CDH2: variants seen among roughly 807,000 people sequenced by gnomAD.
CDH2 encodes cadherin 2.
A neutral mutation model predicts 92.0 loss-of-function variants in CDH2; 17 were observed. The observed-to-expected ratio is 0.18, with a 90% confidence interval of 0.13 to 0.28. CDH2 has a LOEUF of 0.28. CDH2 is among the 10% of genes least tolerant of loss of function. The pLI is 1.00. For synonymous variants in CDH2, 419 were observed against 415.9 expected (o/e 1.01, Z -0.09); for missense variants, 862 against 1,133.1 (o/e 0.76, Z 3.44).
At chr18:28,002,794 G>A (rs566872975) in intron 7 of CDH2, among the ~76,000 whole-genome samples, 94 of 152,232 alleles carry the variant, frequency 6.2e-4, no homozygotes, top group African/African-American at 2.2e-3. Flanking sequence ...ACATAGGCTA[G>A]CATTGATTTA....
Position 27,990,197 on chromosome 18 carries a change from T to TG in CDH2, c.1497dup (p.Asn500GlnfsTer3). ...TCTTCTTGGCGAATGATCTTAGGATTGGGGGCAAAATAAGGGTTTTCATTT... is the reference window on the plus strand; with the variant it reads ...TCTTCTTGGCGAATGATCTTAGGATTGGGGGGCAAAATAAGGGTTTTCATTT... On this transcript the variant is annotated frameshift_variant, in exon 10 of 16. Coordinates refer to ENST00000269141, the MANE Select transcript of CDH2 (RefSeq NM_001792.5). LOFTEE classifies it high-confidence loss of function. 1 of 1,614,132 alleles carries TG rather than the reference T, an allele frequency of 6.2e-7. No homozygotes were observed. The highest frequency in any genetic ancestry group is 8.5e-7 in the Non-Finnish European group (1 of 1,180,000).
intron 2 of CDH2, among the ~76,000 whole-genome samples, chr18:28,029,305 T>C (rs376201156): frequency 1.5e-4 from 23 of 152,228 alleles, no homozygotes; most frequent in African/African-American, 5.5e-4. Context: ...AATTTAAAGG[T>C]TACTTAATTT....
intron 14 of CDH2, 100 bp from the exon 15 acceptor site, chr18:27,963,621 G>A: frequency 9.8e-7 from 1 of 1,020,884 alleles, no homozygotes; most frequent in Non-Finnish European, 1.4e-6. Flanking sequence ...ATAGAAATGA[G>A]GAAAATTTAA....
downstream of CDH2, among the ~76,000 whole-genome samples, chr18:27,947,661 ATATGTGATATAAG>A (rs1909303127): frequency 6.8e-6 from 1 of 147,358 alleles, no homozygotes; most frequent in African/African-American, 2.7e-5. Context: ...TGATATAAGT[ATATGTGATATAAG>A]TATATGTGAT....
intron 3 of CDH2, among the ~76,000 whole-genome samples, 168 bp from the exon 4 acceptor site, chr18:28,012,160 C>A (rs1381628639): frequency 1.3e-5 from 2 of 152,006 alleles, no homozygotes; most frequent in Non-Finnish European, 2.9e-5. Context: ...AGAAAAATAC[C>A]ATAAAATTTT....
At chr18:28,157,594 A>C (rs1158443110) in intron 1 of CDH2, among the ~76,000 whole-genome samples, 1 of 152,196 alleles carries the variant, frequency 6.6e-6, no homozygotes, top group African/African-American at 2.4e-5. Context: ...AACTTCCATT[A>C]GGAAGCATTC....
intron 2 of CDH2, among the ~76,000 whole-genome samples, chr18:28,024,918 C>T (rs1390420140): frequency 6.6e-6 from 1 of 151,860 alleles, no homozygotes; most frequent in African/African-American, 2.4e-5. Context: ...ACAGAATAAG[C>T]AATTAAGAAA....
chr18:27,944,344 G>C (rs1458289241), intron 6 of CDH2, among the ~76,000 whole-genome samples: 2 of 152,112 alleles, frequency 1.3e-5, no homozygotes, highest in Non-Finnish European at 2.9e-5. Flanking sequence ...GAAAGATCAA[G>C]TAAATTACTG....
rs17493430 is a variant in CDH2 at position 27,986,353 on chromosome 18, T to C, written c.1742-592A>G. ...ATTAGGCTGCTCTATGTACACTCTT[T>C]GATTGTAATCCTATGACACAGGTTT... On this transcript the variant is annotated intron_variant, in intron 11 of 15. Transcript: ENST00000269141. Among the ~76,000 whole-genome samples, 526 of 152,268 alleles carry C rather than the reference T, an allele frequency of 3.5e-3. 6 individuals carry two copies. Among genetic ancestry groups the C allele is most frequent in the African/African-American group, 0.012 (499 of 41,554 alleles).
At chr18:27,959,938 C>A (rs564873951) in intron 15 of CDH2, among the ~76,000 whole-genome samples, 1 of 151,872 alleles carries the variant, frequency 6.6e-6, no homozygotes, top group Admixed American at 6.6e-5. Context: ...TGGCTTGACC[C>A]CAGGAGGCTG....
intron 2 of CDH2, among the ~76,000 whole-genome samples, chr18:28,131,179 C>T (rs976016491): frequency 2.0e-5 from 3 of 151,860 alleles, no homozygotes; most frequent in South Asian, 4.2e-4. Context: ...GTTATAATTC[C>T]CTTAGAAGTT....
At chr18:27,962,529 T>G (rs1217337179) in intron 15 of CDH2, among the ~76,000 whole-genome samples, 1 of 152,196 alleles carries the variant, frequency 6.6e-6, no homozygotes, top group Non-Finnish European at 1.5e-5. Flanking sequence ...TGCATTCCAC[T>G]TTGTAATGCA....
downstream of CDH2, among the ~76,000 whole-genome samples, chr18:27,946,319 C>A (rs1405297093): frequency 2.6e-5 from 4 of 151,596 alleles, no homozygotes; most frequent in African/African-American, 2.4e-5. Context: ...TATTTGACTA[C>A]CCTGATGAAG....
intron 2 of CDH2, among the ~76,000 whole-genome samples, chr18:28,133,121 G>A (rs2015799878): frequency 1.3e-5 from 2 of 152,114 alleles, no homozygotes. Context: ...CAAATCCTAT[G>A]GAGATAGCAT....
chr18:28,128,418 G>A (rs1025094280), intron 2 of CDH2, among the ~76,000 whole-genome samples: 2 of 152,086 alleles, frequency 1.3e-5, no homozygotes, highest in Non-Finnish European at 2.9e-5. Context: ...CTGCTGACAG[G>A]GCACGGTGAC....
downstream of CDH2, among the ~76,000 whole-genome samples, chr18:27,946,982 C>G (rs1019339856): frequency 2.6e-5 from 4 of 151,662 alleles, no homozygotes; most frequent in Non-Finnish European, 5.9e-5. Context: ...ATACTAAATG[C>G]TATGCATAAT....
intron 14 of CDH2, among the ~76,000 whole-genome samples, chr18:27,969,459 A>G (rs539503173): frequency 2.9e-4 from 44 of 152,224 alleles, no homozygotes; most frequent in Non-Finnish European, 5.6e-4. Flanking sequence ...CTATAGGTTC[A>G]CTCTTTGATG....
At chr18:28,164,317 T>C (rs2016347697) in intron 1 of CDH2, among the ~76,000 whole-genome samples, 1 of 152,162 alleles carries the variant, frequency 6.6e-6, no homozygotes, top group Admixed American at 6.5e-5. Context: ...GGTGTCCTAA[T>C]ATGTAAATTG....
intron 14 of CDH2, among the ~76,000 whole-genome samples, chr18:27,976,588 T>C (rs1220156): frequency 0.32 from 48,406 of 152,096 alleles, 7,905 homozygotes; most frequent in East Asian, 0.45. Flanking sequence ...AAAGATTTAA[T>C]CTTCACTTTG....
Sources: allele counts gnomAD v4.1 joint callset (sites outside exome capture counted in the v4.1 genomes callset), GRCh38; gene constraint gnomAD v4.1.1; transcripts MANE v1.5; gene names NCBI Gene and HGNC (gene_info 2026-07-23, HGNC 2026-07-21).